The following ESYT2 variants were observed in gnomAD, a reference collection of about 807,000 sequenced individuals.
ESYT2 encodes the protein extended synaptotagmin 2, also known as extended synaptotagmin-2.
Under a neutral mutation model 107.2 loss-of-function variants are expected in ESYT2, and 54 were observed. The ratio of observed to expected loss-of-function variants is 0.50; its 90% CI spans 0.40 to 0.63. The LOEUF is 0.63. ESYT2 is among the 30% of genes least tolerant of loss of function. The pLI, the probability that ESYT2 is intolerant of heterozygous loss-of-function variation, is 0.00. For missense variants in ESYT2, 1,020 were observed against 1,094.5 expected (o/e 0.93, Z 0.96); for synonymous variants, 491 against 434.1 (o/e 1.13, Z -1.63).
At position 158,809,375 on chromosome 7, in the gene ESYT2, C is replaced by G. The variant is rs1333193950; in HGVS notation, c.331-10303G>C. Among the ~76,000 whole-genome samples the G allele has an allele frequency of 2.1e-5, 3 of 146,046 alleles. No homozygotes were observed. In the Admixed American group the frequency reaches 2.1e-4, roughly 10 times the overall value. On this transcript the variant is annotated intron_variant, in intron 1 of 22. Coordinates refer to ENST00000275418, the MANE Select transcript of ESYT2 (RefSeq NM_001367773.1). ...TCTGTAGTCCCTGCTACTCGGGAGGCTGAAGCAGGAGAATCGCTTGAACCT... is the reference window on the plus strand; with the variant it reads ...TCTGTAGTCCCTGCTACTCGGGAGGGTGAAGCAGGAGAATCGCTTGAACCT...
intron 13 of ESYT2, among the ~76,000 whole-genome samples, chr7:158,753,230 A>G (rs1837638988): frequency 6.6e-6 from 1 of 152,150 alleles, no homozygotes; most frequent in South Asian, 2.1e-4. Flanking sequence ...TTGAAGCACA[A>G]TGAATGGGCC....
Position 158,764,793 on chromosome 7 carries a change from T to C in ESYT2, c.985A>G (p.Lys329Glu), listed in dbSNP as rs755772982. The C allele has an allele frequency of 6.2e-7, 1 of 1,614,054 alleles. No homozygotes were observed. The highest frequency in any genetic ancestry group is 1.3e-5 in the African/African-American group (1 of 74,910). The change falls in exon 9 of 23, where the codon AAG becomes GAG. Residue 329 changes from lysine (K) to glutamate (E), a missense_variant. Lys to Glu is a moderately conservative substitution (Grantham distance 56). Coordinates refer to ENST00000275418, the MANE Select transcript of ESYT2 (RefSeq NM_001367773.1). ...QDLQGKDTYL[K>E]GLVKGKSDPY... ...TCTGACTTTCCCTTGACAAGTCCCTTAAGGTAAGTGTCTTTCCCCTGAAGA... is the reference window on the plus strand; with the variant it reads ...TCTGACTTTCCCTTGACAAGTCCCTCAAGGTAAGTGTCTTTCCCCTGAAGA...
chr7:158,774,137 T>C (rs2129472593), intron 6 of ESYT2, among the ~76,000 whole-genome samples: 1 of 152,370 alleles, frequency 6.6e-6, no homozygotes, highest in East Asian at 1.9e-4. Flanking sequence ...TTGTGTTCTA[T>C]ATTTGTAGAA....
chr7:158,748,747 G>C (rs1476428506), intron 15 of ESYT2, among the ~76,000 whole-genome samples: 2 of 151,320 alleles, frequency 1.3e-5, no homozygotes, highest in East Asian at 3.9e-4. Flanking sequence ...GGGGGACAGA[G>C]TCTTGCTCTG....
chr7:158,778,565 A>G (rs1442371362), intron 6 of ESYT2, among the ~76,000 whole-genome samples: 4 of 152,154 alleles, frequency 2.6e-5, no homozygotes, highest in Non-Finnish European at 5.9e-5. Flanking sequence ...CTGAAATTTC[A>G]CGTTCCATAC....
At chr7:158,773,765 G>T (rs767709976) in intron 6 of ESYT2, among the ~76,000 whole-genome samples, 2 of 152,162 alleles carry the variant, frequency 1.3e-5, no homozygotes, top group Non-Finnish European at 2.9e-5. Context: ...TTCAAAAAGT[G>T]AGATTTTGGG....
At chr7:158,784,444 G>A (rs1407054104) in intron 6 of ESYT2, among the ~76,000 whole-genome samples, 3 of 152,224 alleles carry the variant, frequency 2.0e-5, no homozygotes, top group Admixed American at 2.0e-4. Flanking sequence ...CCAGTACTCT[G>A]GGAGGCCAAA....
chr7:158,799,118 G>A, intron 1 of ESYT2, 46 bp from the exon 2 acceptor site: 2 of 1,545,178 alleles, frequency 1.3e-6, no homozygotes, highest in Non-Finnish European at 1.8e-6. Context: ...CCCAACAACT[G>A]TAAATAAAAT....
In ESYT2 at chr7:158,773,402, T is replaced by G; in HGVS notation, c.748-6A>C. On this transcript the variant is annotated splice_region_variant and splice_polypyrimidine_tract_variant and intron_variant, in intron 6 of 22. Coordinates refer to ENST00000275418, the MANE Select transcript of ESYT2 (RefSeq NM_001367773.1). ...GTCCAGTTAATTTCTAAAAGCTGTTTTAAAACAAGGGCAAAATATTAAGTT... is the reference window on the plus strand; with the variant it reads ...GTCCAGTTAATTTCTAAAAGCTGTTGTAAAACAAGGGCAAAATATTAAGTT... 6.2e-7 allele frequency: 1 copy of G among 1,614,094 alleles called. No individual in the cohort carries two copies. Among genetic ancestry groups the G allele is most frequent in the Non-Finnish European group, 8.5e-7 (1 of 1,179,982 alleles).
At chr7:158,762,952 T>C (rs1349279284) in intron 10 of ESYT2, 131 bp downstream of exon 10, 16 of 553,566 alleles carry the variant, frequency 2.9e-5, no homozygotes, top group South Asian at 1.9e-4. Flanking sequence ...GGTGAAACAA[T>C]TGTTATATCT....
At position 158,829,109 on chromosome 7, in the gene ESYT2, C is replaced by G. The variant is rs762396578; in HGVS notation, c.310G>C (p.Ala104Pro). 6.3e-7 allele frequency: 1 copy of G among 1,580,840 alleles called. No individual in the cohort carries two copies. Among genetic ancestry groups the G allele is most frequent in the Non-Finnish European group, 8.5e-7 (1 of 1,172,644 alleles). Reference sequence around the variant, plus strand: ...CTCACCCAGGCGGGCAGGTCGCAGGCGCGCACCCCCAGGCGCACGACGCGC... The same window carrying G: ...CTCACCCAGGCGGGCAGGTCGCAGGGGCGCACCCCCAGGCGCACGACGCGC... ...EERVVRLGVR[A>P]CDLPAWVHFP... The change falls in exon 1 of 23, where the codon GCC (alanine) becomes CCC (proline). Residue 104 changes from alanine to proline, a missense_variant. Transcript: ENST00000275418.
At chr7:158,766,101 G>A (rs766075183) in intron 8 of ESYT2, among the ~76,000 whole-genome samples, 2 of 151,256 alleles carry the variant, frequency 1.3e-5, no homozygotes, top group Admixed American at 6.6e-5. Flanking sequence ...TTCGGGAGGC[G>A]GAGCTTGCAG....
rs1199206725 is a variant in ESYT2 at position 158,731,715 on chromosome 7, TA to T, written c.*2491del. Reference sequence around the variant, plus strand: ...TAACAGAGCTGCACTTCAAATTTACTAAGTTAATTAATTTTCCCTTCATTGG... The same window carrying T: ...TAACAGAGCTGCACTTCAAATTTACTAGTTAATTAATTTTCCCTTCATTGG... On this transcript the variant is annotated 3_prime_UTR_variant, in exon 23 of 23. Transcript: ENST00000275418. 4 of 152,664 alleles carry T rather than the reference TA, an allele frequency of 2.6e-5. No homozygotes were observed. In the East Asian group the frequency reaches 7.7e-4, roughly 29 times the overall value. The allele number at this position is 152,664 out of a possible 1,614,324, so 9.5% of individuals were successfully genotyped here.
intron 8 of ESYT2, among the ~76,000 whole-genome samples, chr7:158,766,803 T>C (rs1283609313): frequency 6.6e-6 from 1 of 152,222 alleles, no homozygotes; most frequent in Non-Finnish European, 1.5e-5. Flanking sequence ...ACCACGGTGG[T>C]AATGCTCACT....
At chr7:158,766,124 G>A (rs1020831155) in intron 8 of ESYT2, among the ~76,000 whole-genome samples, 1 of 151,798 alleles carries the variant, frequency 6.6e-6, no homozygotes, top group Non-Finnish European at 1.5e-5. Context: ...AGCCGAGATT[G>A]TGCTACTGCA....
Position 158,739,113 on chromosome 7 carries a change from G to A in ESYT2, c.2177C>T (p.Thr726Ile), listed in dbSNP as rs762234120. The change falls in exon 19 of 23, where the codon ACC (threonine) becomes ATC (isoleucine). Residue 726 changes from threonine to isoleucine, a missense_variant. Coordinates refer to ENST00000275418, the MANE Select transcript of ESYT2 (RefSeq NM_001367773.1). ...CTGCCCCAGTGGAGACTGTCCCAGG[G>A]TCGTCCCGCTGTGGGAAAAGAGCAG... Reference protein sequence around the residue: ...QRLRQLENGTTLGQSPLGQIQ... With the variant: ...QRLRQLENGTILGQSPLGQIQ... The A allele has an allele frequency of 1.9e-6, 3 of 1,613,926 alleles. No homozygotes were observed. Among genetic ancestry groups the A allele is most frequent in the Non-Finnish European group, 1.7e-6 (2 of 1,179,980 alleles).
intron 17 of ESYT2, among the ~76,000 whole-genome samples, chr7:158,742,379 G>A (rs138758391): frequency 1.2e-3 from 180 of 152,294 alleles, no homozygotes; most frequent in African/African-American, 4.1e-3. Context: ...CAGGCAAGGA[G>A]CCCCCCATAA....
chr7:158,738,354 C>T lies in ESYT2; in HGVS notation c.2267+669G>A, dbSNP rs570495664. ...ACACACACACACACAGACACACACACACACACACACACACACACACACACT... is the reference window on the plus strand; with the variant it reads ...ACACACACACACACAGACACACACATACACACACACACACACACACACACT... On this transcript the variant is annotated intron_variant, in intron 19 of 22. Transcript: ENST00000275418. Among the ~76,000 whole-genome samples, 10 of 147,572 alleles carry T rather than the reference C, an allele frequency of 6.8e-5. 1 individual carries two copies. Among genetic ancestry groups the T allele is most frequent in the East Asian group, 5.9e-4 (3 of 5,088 alleles).
intron 18 of ESYT2, among the ~76,000 whole-genome samples, 192 bp downstream of exon 18, chr7:158,741,331 T>C (rs1837193641): frequency 6.6e-6 from 1 of 152,232 alleles, no homozygotes; most frequent in Non-Finnish European, 1.5e-5. Flanking sequence ...TGGCAGGTTT[T>C]ATTTCCAAAG....
Sources: allele counts gnomAD v4.1 joint callset (sites outside exome capture counted in the v4.1 genomes callset), GRCh38; gene constraint gnomAD v4.1.1; transcripts MANE v1.5; gene names NCBI Gene and HGNC (gene_info 2026-07-23, HGNC 2026-07-21).